The following KCNH5 variants were observed in gnomAD, a reference collection of about 807,000 sequenced individuals.
The protein encoded by KCNH5 is voltage-gated delayed rectifier potassium channel KCNH5.
A neutral mutation model predicts 96.1 loss-of-function variants in KCNH5; 46 were observed. The ratio of observed to expected loss-of-function variants is 0.48; its 90% confidence interval spans 0.38 to 0.61. The LOEUF (loss-of-function observed/expected upper bound fraction) is 0.61, where lower values mean the gene tolerates loss of function less well. KCNH5 is among the 20% of genes least tolerant of loss of function. The pLI is 0.00. For missense variants in KCNH5, 907 were observed against 1,225.8 expected (o/e 0.74, Z 3.88); for synonymous variants, 439 against 449.8 (o/e 0.98, Z 0.30).
chr14:62,773,786 G>C (rs1049804010), intron 10 of KCNH5, among the ~76,000 whole-genome samples: 1 of 152,184 alleles, frequency 6.6e-6, no homozygotes, highest in African/African-American at 2.4e-5. Flanking sequence ...AAGTTTCAAG[G>C]AAATGAAATT....
intron 7 of KCNH5, among the ~76,000 whole-genome samples, chr14:62,861,206 T>C (rs960470313): frequency 2.0e-5 from 3 of 152,176 alleles, no homozygotes; most frequent in Non-Finnish European, 4.4e-5. Context: ...TTGGAAAAGA[T>C]AGTAGGACTG....
intron 9 of KCNH5, among the ~76,000 whole-genome samples, chr14:62,788,573 C>T (rs1030912734): frequency 8.5e-5 from 13 of 152,122 alleles, no homozygotes; most frequent in African/African-American, 3.1e-4. Context: ...GTCAGCATCA[C>T]ATGCTATAGG....
chr14:63,017,738 T>G (rs570619279), intron 1 of KCNH5, among the ~76,000 whole-genome samples: 3 of 151,490 alleles, frequency 2.0e-5, no homozygotes, highest in African/African-American at 7.2e-5. Context: ...AGTGAACACA[T>G]TTTTAATATA....
intron 7 of KCNH5, among the ~76,000 whole-genome samples, chr14:62,901,232 G>T (rs1888918949): frequency 6.6e-6 from 1 of 151,660 alleles, no homozygotes; most frequent in Non-Finnish European, 1.5e-5. Context: ...TTATTTTTGG[G>T]TTTTTTTCAA....
At chr14:62,811,105 A>G (rs1234114104) in intron 8 of KCNH5, among the ~76,000 whole-genome samples, 1 of 152,144 alleles carries the variant, frequency 6.6e-6, no homozygotes, top group Non-Finnish European at 1.5e-5. Context: ...ATGGTCTGAA[A>G]AAGAAAACCT....
intron 7 of KCNH5, among the ~76,000 whole-genome samples, chr14:62,904,555 T>C (rs925388367): frequency 1.3e-5 from 2 of 152,140 alleles, no homozygotes; most frequent in African/African-American, 4.8e-5. Context: ...GGAGATGTCT[T>C]GGGTCACCCA....
chr14:62,817,146 T>C (rs1020202351), intron 8 of KCNH5, among the ~76,000 whole-genome samples: 9 of 138,400 alleles, frequency 6.5e-5, no homozygotes, highest in South Asian at 4.3e-4. Context: ...AATATATATA[T>C]ACACACATAT....
At chr14:63,029,135 T>G (rs1891578706) in intron 1 of KCNH5, among the ~76,000 whole-genome samples, 1 of 152,160 alleles carries the variant, frequency 6.6e-6, no homozygotes, top group Non-Finnish European at 1.5e-5. Flanking sequence ...CTTTTACCAT[T>G]TCTGAACGTT....
chr14:62,768,487 C>T (rs914863379), intron 10 of KCNH5, among the ~76,000 whole-genome samples: 9 of 152,032 alleles, frequency 5.9e-5, no homozygotes, highest in African/African-American at 2.2e-4. Context: ...ATTTTAGAAA[C>T]AAACAGTCTA....
chr14:62,944,780 A>T (rs1422567726), intron 7 of KCNH5, among the ~76,000 whole-genome samples: 1 of 152,108 alleles, frequency 6.6e-6, no homozygotes, highest in Non-Finnish European at 1.5e-5. Context: ...ATTACCAAGG[A>T]CCCAAGGACT....
intron 10 of KCNH5, among the ~76,000 whole-genome samples, chr14:62,751,524 C>A (rs1255337261): frequency 6.6e-6 from 1 of 152,190 alleles, no homozygotes; most frequent in African/African-American, 2.4e-5. Flanking sequence ...CCAGTAGCTC[C>A]CTTCTAAGCA....
At chr14:62,878,672 T>G (rs1007549990) in intron 7 of KCNH5, among the ~76,000 whole-genome samples, 1 of 152,210 alleles carries the variant, frequency 6.6e-6, no homozygotes, top group Non-Finnish European at 1.5e-5. Flanking sequence ...TCCTTTACAT[T>G]CATTTTCTAG....
At chr14:62,867,872 G>A (rs528129360) in intron 7 of KCNH5, among the ~76,000 whole-genome samples, 2 of 152,208 alleles carry the variant, frequency 1.3e-5, no homozygotes, top group South Asian at 4.1e-4. Flanking sequence ...ACTTCATTCA[G>A]GTCTCCTAAA....
rs542346227 is a variant in KCNH5, at chr14:62,721,136, T to C, written c.2020-12681A>G. Among the ~76,000 whole-genome samples the C allele has an allele frequency of 4.6e-5, 7 of 152,290 alleles. No individual in the cohort carries two copies. In the South Asian group the frequency reaches 1.5e-3, roughly 32 times the overall value. On this transcript the variant is annotated intron_variant, in intron 10 of 10. Coordinates refer to ENST00000322893, the MANE Select transcript of KCNH5 (RefSeq NM_139318.5). The stretch of plus-strand genomic sequence containing the variant: ...ATCCATTGTTCTCTGTGTCTCCTGA[T>C]TCTATGTTCTTGGAGGTCCTTCTTT...
chr14:62,832,105 T>TA (rs1395171272), intron 8 of KCNH5, among the ~76,000 whole-genome samples: 2 of 152,208 alleles, frequency 1.3e-5, no homozygotes, highest in African/African-American at 4.8e-5. Context: ...CACATAATCA[T>TA]AAAAATCGTC....
At chr14:63,003,733 C>T (rs1891073389) in intron 3 of KCNH5, among the ~76,000 whole-genome samples, 1 of 147,370 alleles carries the variant, frequency 6.8e-6, no homozygotes, top group Admixed American at 6.9e-5. Context: ...CATTCTCCTG[C>T]CTCAGACTCC....
At chr14:63,038,093 T>C (rs907083073) in intron 1 of KCNH5, among the ~76,000 whole-genome samples, 1 of 152,186 alleles carries the variant, frequency 6.6e-6, no homozygotes, top group African/African-American at 2.4e-5. Flanking sequence ...CCCTATGCAG[T>C]GTGGTTTCTG....
At chr14:63,033,046 C>T (rs1020617197) in intron 1 of KCNH5, among the ~76,000 whole-genome samples, 4 of 152,124 alleles carry the variant, frequency 2.6e-5, no homozygotes, top group African/African-American at 7.2e-5. Context: ...ATATCTGATA[C>T]ATCCATTTCT....
intron 10 of KCNH5, among the ~76,000 whole-genome samples, chr14:62,748,498 C>T (rs545781583): frequency 1.3e-5 from 2 of 152,048 alleles, no homozygotes; most frequent in African/African-American, 4.8e-5. Context: ...AAGTCATGGC[C>T]CCATTTTCCC....
Sources: allele counts gnomAD v4.1 joint callset (sites outside exome capture counted in the v4.1 genomes callset), GRCh38; gene constraint gnomAD v4.1.1; transcripts MANE v1.5; gene names NCBI Gene and HGNC (gene_info 2026-07-23, HGNC 2026-07-21).